NPFFR2: variants seen among roughly 807,000 people sequenced by gnomAD.
NPFFR2 encodes the protein G-protein coupled receptor 74.
A neutral mutation model predicts 13.1 loss-of-function variants in NPFFR2; 15 were observed. The observed-to-expected ratio is 1.15, with a 90% CI of 0.77 to 1.76. The LOEUF is 1.76. Ranked by LOEUF, NPFFR2 falls within the 40% of genes most tolerant of loss-of-function variation. The pLI, the probability that NPFFR2 is intolerant of heterozygous loss-of-function variation, is 0.00. For missense variants in NPFFR2, 572 were observed against 503.5 expected, an observed-to-expected ratio of 1.14 and a Z score of -1.30; for synonymous variants, 190 against 175.7, an observed-to-expected ratio of 1.08 and a Z score of -0.65.
intron 1 of NPFFR2, among the ~76,000 whole-genome samples, chr4:72,128,126 A>G (rs2109834010): frequency 6.6e-6 from 1 of 152,292 alleles, no homozygotes; most frequent in South Asian, 2.1e-4. Context: ...GAATATGGCA[A>G]ATACAAGAAG....
At chr4:72,109,973 G>T (rs1721519869) in intron 1 of NPFFR2, among the ~76,000 whole-genome samples, 1 of 151,954 alleles carries the variant, frequency 6.6e-6, no homozygotes, top group African/African-American at 2.4e-5. Context: ...AGAACATGCA[G>T]CAATTAACCT....
At chr4:72,068,761 A>G (rs1319266502) in intron 1 of NPFFR2, among the ~76,000 whole-genome samples, 1 of 152,196 alleles carries the variant, frequency 6.6e-6, no homozygotes, top group Non-Finnish European at 1.5e-5. Context: ...GTGAGACCGC[A>G]TAGAATAACG....
intron 1 of NPFFR2, among the ~76,000 whole-genome samples, chr4:72,101,893 A>G (rs777525425): frequency 6.6e-6 from 1 of 152,214 alleles, no homozygotes; most frequent in Admixed American, 6.6e-5. Flanking sequence ...ATCCAAAGAA[A>G]AATCAAAATA....
chr4:72,128,494 T>C, intron 1 of NPFFR2, 91 bp from the exon 2 acceptor site: 3 of 728,574 alleles, frequency 4.1e-6, no homozygotes, highest in Non-Finnish European at 6.7e-6. Flanking sequence ...TTCCATGGCA[T>C]TTTACAAGTG....
chr4:72,140,747 G>T (rs750239070), intron 3 of NPFFR2, among the ~76,000 whole-genome samples: 3 of 152,126 alleles, frequency 2.0e-5, no homozygotes, highest in African/African-American at 7.2e-5. Context: ...TCTCTACCAG[G>T]CTTTGGTATC....
chr4:72,060,422 G>T (rs942112805), intron 1 of NPFFR2, among the ~76,000 whole-genome samples: 4 of 152,026 alleles, frequency 2.6e-5, no homozygotes, highest in African/African-American at 9.7e-5. Flanking sequence ...ACCCAAGGAT[G>T]CTGGCATTTC....
chr4:72,052,670 C>G (rs996256610), intron 1 of NPFFR2, among the ~76,000 whole-genome samples: 2 of 151,994 alleles, frequency 1.3e-5, no homozygotes, highest in Non-Finnish European at 2.9e-5. Flanking sequence ...TGGGAAAAAT[C>G]TACATTCTGT....
At position 72,147,888 on chromosome 4, in the gene NPFFR2, T is replaced by A; in HGVS notation, c.*76T>A. The A allele has an allele frequency of 1.8e-6, 2 of 1,086,448 alleles. No individual in the cohort carries two copies. The highest frequency in any genetic ancestry group is 2.5e-6 in the Non-Finnish European group (2 of 791,590). The allele number at this position is 1,086,448 out of a possible 1,614,324, so 67.3% of individuals were successfully genotyped here. ...CCATTGCTTTTTGTGGCTTTGCACT[T>A]CAAATTTTTCAAAGAATGTTCTAAA... On this transcript the variant is annotated 3_prime_UTR_variant, in exon 4 of 4. Coordinates refer to ENST00000308744, the MANE Select transcript of NPFFR2 (RefSeq NM_004885.3).
chr4:72,142,510 A>G (rs188432522), intron 3 of NPFFR2, among the ~76,000 whole-genome samples: 98 of 152,276 alleles, frequency 6.4e-4, no homozygotes, highest in African/African-American at 2.3e-3. Context: ...CATCTTCTGC[A>G]TCTATCATGC....
At chr4:72,052,941 A>G (rs183375812) in intron 1 of NPFFR2, among the ~76,000 whole-genome samples, 11 of 151,982 alleles carry the variant, frequency 7.2e-5, no homozygotes, top group Non-Finnish European at 1.5e-4. Context: ...CTTTGAATCT[A>G]CCTATGACCT....
intron 1 of NPFFR2, among the ~76,000 whole-genome samples, chr4:72,047,206 G>C (rs1719404519): frequency 1.3e-5 from 2 of 151,998 alleles, no homozygotes; most frequent in African/African-American, 4.8e-5. Flanking sequence ...TTTCAGAAGA[G>C]AGCACTAAGG....
Position 72,049,271 on chromosome 4 carries a change from A to G in NPFFR2, c.-8+17071A>G, listed in dbSNP as rs957144501. ...TATTAAATAGCATCTTTTGCAATCA[A>G]TGTCAAGGCTGTGTTGTGTCTTTGG... is the stretch of plus-strand genomic sequence containing the variant. On this transcript the variant is annotated intron_variant, in intron 1 of 3. Coordinates refer to ENST00000308744, the MANE Select transcript of NPFFR2 (RefSeq NM_004885.3). Among the ~76,000 whole-genome samples, 13 of 152,262 alleles carry G rather than the reference A, an allele frequency of 8.5e-5. No individual in the cohort carries two copies. In the East Asian group the frequency reaches 1.5e-3, roughly 18 times the overall value.
intron 2 of NPFFR2, among the ~76,000 whole-genome samples, chr4:72,132,650 G>T (rs1292329039): frequency 6.6e-6 from 1 of 152,038 alleles, no homozygotes; most frequent in Non-Finnish European, 1.5e-5. Context: ...CCACAATTTT[G>T]CCAACATCTG....
chr4:72,122,898 A>G (rs181545763), intron 1 of NPFFR2, among the ~76,000 whole-genome samples: 1 of 152,236 alleles, frequency 6.6e-6, no homozygotes, highest in African/African-American at 2.4e-5. Context: ...GAAATAACTA[A>G]GATCAGAGCA....
chr4:72,032,966 C>A (rs899042096), intron 1 of NPFFR2, among the ~76,000 whole-genome samples: 6 of 152,124 alleles, frequency 3.9e-5, no homozygotes, highest in Non-Finnish European at 7.4e-5. Context: ...TTTAAAAAAT[C>A]TTAATGATAA....
intron 1 of NPFFR2, among the ~76,000 whole-genome samples, chr4:72,040,389 C>A (rs1480097483): frequency 6.6e-6 from 1 of 152,082 alleles, no homozygotes; most frequent in Non-Finnish European, 1.5e-5. Context: ...ATATTTTATT[C>A]TTCCCCTTCG....
At chr4:72,111,744 A>G (rs1186289708) in intron 1 of NPFFR2, among the ~76,000 whole-genome samples, 1 of 152,060 alleles carries the variant, frequency 6.6e-6, no homozygotes, top group East Asian at 1.9e-4. Flanking sequence ...GAAAAAGGGA[A>G]CATTCTCTAT....
chr4:72,134,990 C>T (rs923755844), intron 2 of NPFFR2, among the ~76,000 whole-genome samples: 2 of 152,006 alleles, frequency 1.3e-5, no homozygotes, highest in Admixed American at 6.6e-5. Context: ...TATTTGTCTG[C>T]AAGTATCTTT....
At chr4:72,064,709 C>T (rs950747492) in intron 1 of NPFFR2, among the ~76,000 whole-genome samples, 2 of 151,910 alleles carry the variant, frequency 1.3e-5, no homozygotes, top group African/African-American at 4.8e-5. Flanking sequence ...GAAAAGAGGT[C>T]GGTGATAAGG....
Sources: gnomAD v4.1 joint callset for allele counts (sites outside exome capture counted in the v4.1 genomes callset) on GRCh38, gnomAD v4.1.1 for gene constraint, MANE v1.5 for transcripts, NCBI Gene and HGNC (gene_info 2026-07-23, HGNC 2026-07-21) for gene names.